The following APBB2 variants were observed in gnomAD, a reference collection of about 807,000 sequenced individuals.
APBB2 encodes amyloid beta precursor protein binding family B member 2.
A neutral mutation model predicts 82.5 loss-of-function variants in APBB2; 38 were observed. The ratio of observed to expected loss-of-function variants is 0.46; its 90% confidence interval spans 0.36 to 0.60. APBB2 has a LOEUF of 0.60. Ranked by LOEUF, APBB2 falls within the 20% of genes least tolerant of loss-of-function variation. The pLI, the probability that APBB2 is intolerant of heterozygous loss-of-function variation, is 0.00. For synonymous variants in APBB2, 341 were observed against 368.2 expected, an observed-to-expected ratio of 0.93 and a Z score of 0.85; for missense variants, 772 against 972.3, an observed-to-expected ratio of 0.79 and a Z score of 2.74.
At chr4:40,853,836 A>G (rs757176797) in intron 12 of APBB2, among the ~76,000 whole-genome samples, 2 of 152,124 alleles carry the variant, frequency 1.3e-5, no homozygotes, top group African/African-American at 2.4e-5. Flanking sequence ...GTTGCCTCCT[A>G]GGACAGGCTG....
intron 10 of APBB2, among the ~76,000 whole-genome samples, chr4:40,923,502 A>T (rs1312803671): frequency 6.6e-6 from 1 of 151,870 alleles, no homozygotes. Context: ...TCCCATGGCT[A>T]CTCCTGCCCG....
At chr4:41,067,665 C>G (rs1732420867) in intron 3 of APBB2, among the ~76,000 whole-genome samples, 1 of 152,118 alleles carries the variant, frequency 6.6e-6, no homozygotes, top group African/African-American at 2.4e-5. Flanking sequence ...GGAAAACCAT[C>G]TTTTGAAGAA....
At chr4:40,821,007 T>C (rs1026955074) in intron 17 of APBB2, among the ~76,000 whole-genome samples, 17 of 152,156 alleles carry the variant, frequency 1.1e-4, no homozygotes, top group Non-Finnish European at 2.1e-4. Flanking sequence ...TAGCTGGGAT[T>C]ACAGGGATGC....
intron 1 of APBB2, among the ~76,000 whole-genome samples, chr4:41,171,007 C>T (rs763374266): frequency 3.3e-5 from 5 of 152,168 alleles, no homozygotes; most frequent in Non-Finnish European, 7.3e-5. Context: ...GTATCAGTCC[C>T]CTTGACAGGT....
chr4:40,823,849 G>C (rs571152250), intron 15 of APBB2, 90 bp from the exon 16 acceptor site: 2 of 775,148 alleles, frequency 2.6e-6, no homozygotes, highest in Non-Finnish European at 4.5e-6. Context: ...GCTACGCCCA[G>C]ACTGATCTTT....
chr4:40,816,754 C>A (rs1173089342), intron 17 of APBB2, among the ~76,000 whole-genome samples: 1 of 152,182 alleles, frequency 6.6e-6, no homozygotes, highest in Non-Finnish European at 1.5e-5. Flanking sequence ...GAAGAAAGGA[C>A]TATTTACAGA....
chr4:40,844,270 T>C (rs554132376), intron 12 of APBB2, among the ~76,000 whole-genome samples: 11 of 152,252 alleles, frequency 7.2e-5, no homozygotes, highest in African/African-American at 2.6e-4. Context: ...CTGTGTTACA[T>C]GGTATGCCCC....
intron 6 of APBB2, among the ~76,000 whole-genome samples, chr4:40,960,446 GGTT>G (rs1792825802): frequency 8.3e-6 from 1 of 120,540 alleles, no homozygotes; most frequent in Non-Finnish European, 1.7e-5. Context: ...TTTTTTTTCG[GGTT>G]TTTTTTTTTT....
chr4:40,923,026 T>C (rs1363895894), intron 10 of APBB2, among the ~76,000 whole-genome samples: 4 of 148,356 alleles, frequency 2.7e-5, no homozygotes, highest in East Asian at 2.0e-4. Context: ...CCAGGCCGGA[T>C]TGCAGTGGCA....
intron 1 of APBB2, among the ~76,000 whole-genome samples, chr4:41,164,470 G>A (rs920810093): frequency 1.3e-5 from 2 of 152,136 alleles, no homozygotes; most frequent in African/African-American, 4.8e-5. Context: ...TGCAAAAGGC[G>A]GCTCCTTTGA....
At chr4:41,211,339 A>G (rs1779268560) in intron 1 of APBB2, among the ~76,000 whole-genome samples, 1 of 151,898 alleles carries the variant, frequency 6.6e-6, no homozygotes, top group African/African-American at 2.4e-5. Flanking sequence ...TATTCCCCCC[A>G]TAACCAGTAA....
rs952658199 is a variant in APBB2, at chr4:40,812,486, A to G, written c.*3606T>C. 1 of 152,242 alleles carries G rather than the reference A, an allele frequency of 6.6e-6. No homozygotes were observed. Among genetic ancestry groups the G allele is most frequent in the Non-Finnish European group, 1.5e-5 (1 of 68,048 alleles). 9.4% of individuals were successfully genotyped at this position (152,242 alleles called of 1,614,324 possible). On this transcript the variant is annotated 3_prime_UTR_variant, in exon 18 of 18. Transcript: ENST00000508593. ...GTATCTTTGCCCTGAAGCTGAAGTT[A>G]AACTTTCTACTGGCCGTGTGGCACA...
intron 12 of APBB2, chr4:40,881,528 C>CTTTTTTTTTTTTTTTTTTTTTTTTTTTTT (rs148967363): frequency 1.3e-5 from 2 of 154,430 alleles, no homozygotes; most frequent in Admixed American, 1.1e-4. Context: ...CTTTTCTTTT[C>CTTTTTTTTTTTTTTTTTTTTTTTTTTTTT]TTTTTCTTTT....
chr4:41,106,180 A>T (rs1340638899), intron 2 of APBB2, among the ~76,000 whole-genome samples: 1 of 152,194 alleles, frequency 6.6e-6, no homozygotes, highest in Non-Finnish European at 1.5e-5. Flanking sequence ...CAATTTTCAG[A>T]GTCTACCTAG....
At chr4:40,877,857 T>G (rs907867660) in intron 12 of APBB2, among the ~76,000 whole-genome samples, 1 of 152,158 alleles carries the variant, frequency 6.6e-6, no homozygotes, top group Non-Finnish European at 1.5e-5. Context: ...AAGTGACTCT[T>G]AACTCTATCA....
intron 6 of APBB2, among the ~76,000 whole-genome samples, chr4:40,955,573 G>C (rs983856354): frequency 7.2e-5 from 11 of 152,112 alleles, no homozygotes; most frequent in African/African-American, 2.7e-4. Context: ...TGTTATTCTC[G>C]ACGGAGCTTA....
At chr4:41,123,943 AC>A (rs1331592994) in intron 2 of APBB2, among the ~76,000 whole-genome samples, 6 of 152,234 alleles carry the variant, frequency 3.9e-5, no homozygotes, top group African/African-American at 1.4e-4. Context: ...ATAACTGAAC[AC>A]TGTGTGGACT....
chr4:41,178,342 T>C (rs1770383744), intron 1 of APBB2, among the ~76,000 whole-genome samples: 1 of 152,162 alleles, frequency 6.6e-6, no homozygotes, highest in South Asian at 2.1e-4. Flanking sequence ...CTACTAAGGA[T>C]CTTTAAAATC....
chr4:41,076,076 G>C (rs896921491), intron 3 of APBB2, among the ~76,000 whole-genome samples: 38 of 152,170 alleles, frequency 2.5e-4, no homozygotes, highest in African/African-American at 8.4e-4. Flanking sequence ...CATGAGAAGA[G>C]AGAATGGAAG....
Sources: allele counts gnomAD v4.1 joint callset (sites outside exome capture counted in the v4.1 genomes callset), GRCh38; gene constraint gnomAD v4.1.1; transcripts MANE v1.5; gene names NCBI Gene and HGNC (gene_info 2026-07-23, HGNC 2026-07-21).